CAMTA1: variants seen among roughly 807,000 people sequenced by gnomAD.
CAMTA1 encodes the protein calmodulin-binding transcription activator 1.
In CAMTA1, 27 loss-of-function variants were observed where a neutral mutation model predicts 170.9. The ratio of observed to expected loss-of-function variants is 0.16; its 90% CI spans 0.12 to 0.22. CAMTA1 has a LOEUF of 0.22. Among genes scored for constraint, CAMTA1 ranks in the 10% least tolerant of loss-of-function variants. CAMTA1 has a pLI of 1.00. For missense variants in CAMTA1, 1,619 were observed against 2,217.2 expected, an observed-to-expected ratio of 0.73 and a Z score of 5.42; for synonymous variants, 833 against 891.5, an observed-to-expected ratio of 0.93 and a Z score of 1.17.
chr1:7,275,589 T>C (rs985255930), intron 5 of CAMTA1, among the ~76,000 whole-genome samples: 3 of 152,078 alleles, frequency 2.0e-5, no homozygotes, highest in Non-Finnish European at 2.9e-5. Context: ...ACAGATGCTA[T>C]ACACATTAAA....
chr1:7,679,243 T>A (rs114481760), intron 11 of CAMTA1, among the ~76,000 whole-genome samples: 7 of 152,182 alleles, frequency 4.6e-5, no homozygotes, highest in African/African-American at 1.7e-4. Flanking sequence ...TCTCCAGAGC[T>A]CTGGCTCTCC....
chr1:6,920,416 T>G (rs1439395091), intron 3 of CAMTA1, among the ~76,000 whole-genome samples: 1 of 152,172 alleles, frequency 6.6e-6, no homozygotes, highest in Non-Finnish European at 1.5e-5. Context: ...CCTTGCTACT[T>G]TCACAGGCTG....
chr1:6,871,825 G>C, intron 3 of CAMTA1: 1 of 1,512,802 alleles, frequency 6.6e-7, no homozygotes. Context: ...TTGATCCCCT[G>C]ACCTGCATTA....
At chr1:7,205,361 C>T (rs192168805) in intron 4 of CAMTA1, among the ~76,000 whole-genome samples, 4 of 152,306 alleles carry the variant, frequency 2.6e-5, no homozygotes, top group Middle Eastern at 3.4e-3. Context: ...CCTTGGCCTC[C>T]CAAAGTGTTG....
intron 3 of CAMTA1, among the ~76,000 whole-genome samples, chr1:7,062,677 G>T (rs1339158667): frequency 6.6e-6 from 1 of 152,116 alleles, no homozygotes; most frequent in Non-Finnish European, 1.5e-5. Context: ...GTCTGCCTCA[G>T]CCATGAAGTC....
At chr1:7,340,411 G>A (rs77423929) in intron 5 of CAMTA1, among the ~76,000 whole-genome samples, 1 of 152,110 alleles carries the variant, frequency 6.6e-6, no homozygotes, top group South Asian at 2.1e-4. Flanking sequence ...CCCCAGAGGA[G>A]CAATACGAAG....
intron 3 of CAMTA1, among the ~76,000 whole-genome samples, chr1:6,926,350 C>T (rs1478954640): frequency 1.5e-5 from 2 of 136,114 alleles, no homozygotes; most frequent in Non-Finnish European, 3.1e-5. Flanking sequence ...TTCCTTTCCT[C>T]CCTCCCTCCC....
At chr1:7,175,200 A>G (rs1650536185) in intron 4 of CAMTA1, among the ~76,000 whole-genome samples, 1 of 152,156 alleles carries the variant, frequency 6.6e-6, no homozygotes, top group African/African-American at 2.4e-5. Flanking sequence ...CTCTTGTCCC[A>G]GTGGACACTC....
At chr1:7,745,128 C>A in intron 17 of CAMTA1, 106 bp downstream of exon 17, 1 of 1,099,278 alleles carries the variant, frequency 9.1e-7, no homozygotes, top group Non-Finnish European at 1.3e-6. Flanking sequence ...GAAGACCATA[C>A]CAAGGAAGGA....
In CAMTA1 at chr1:7,216,032, T is replaced by C. The variant is rs1659687693; in HGVS notation, c.303-33459T>C. Among the ~76,000 whole-genome samples the C allele has an allele frequency of 6.6e-6, 1 of 152,198 alleles. No homozygotes were observed. The highest frequency in any genetic ancestry group is 6.5e-5 in the Admixed American group (1 of 15,288). ...TCATTTATAAAGACAAGAAGTTTAA[T>C]TGACTCATGGTTCCACAGGCTTTAC... On this transcript the variant is annotated intron_variant, in intron 4 of 22. Coordinates refer to ENST00000303635, the MANE Select transcript of CAMTA1 (RefSeq NM_015215.4). This position sits in a 1 kb window ranked among gnomAD's most constrained non-coding sequence, Gnocchi z 4.0.
chr1:7,703,466 C>T (rs1446154366), intron 11 of CAMTA1, among the ~76,000 whole-genome samples: 1 of 152,168 alleles, frequency 6.6e-6, no homozygotes, highest in Non-Finnish European at 1.5e-5. Flanking sequence ...GACGATCTAC[C>T]GGCATGGGCA....
chr1:7,669,961 C>T (rs1479937072), intron 9 of CAMTA1, among the ~76,000 whole-genome samples: 4 of 152,232 alleles, frequency 2.6e-5, no homozygotes, highest in Admixed American at 2.6e-4. Context: ...GGACATGAGG[C>T]CACCCTCCTC....
At chr1:7,677,764 G>C (rs2149276929) in intron 11 of CAMTA1, 31 bp downstream of exon 11, 2 of 1,601,008 alleles carry the variant, frequency 1.2e-6, no homozygotes, top group African/African-American at 2.7e-5. Context: ...GTCTTGCCAG[G>C]CACCAAGGGA....
At chr1:7,719,909 G>A (rs2096638086) in intron 11 of CAMTA1, among the ~76,000 whole-genome samples, 1 of 152,262 alleles carries the variant, frequency 6.6e-6, no homozygotes, top group African/African-American at 2.4e-5. Context: ...GCCAAGGGCT[G>A]TAAGTGGAAT....
chr1:7,655,495 A>G (rs2095891458), intron 7 of CAMTA1, among the ~76,000 whole-genome samples: 1 of 142,270 alleles, frequency 7.0e-6, no homozygotes, highest in African/African-American at 2.7e-5. Context: ...ACACCTATAC[A>G]ACACACATAC....
At chr1:7,321,305 C>T (rs984805980) in intron 5 of CAMTA1, among the ~76,000 whole-genome samples, 1 of 152,188 alleles carries the variant, frequency 6.6e-6, no homozygotes, top group South Asian at 2.1e-4. Context: ...TGGCTCCTGA[C>T]TTCTGATGGT....
chr1:6,879,760 C>G (rs907568429), intron 3 of CAMTA1, among the ~76,000 whole-genome samples: 3 of 151,570 alleles, frequency 2.0e-5, no homozygotes, highest in Non-Finnish European at 4.4e-5. Context: ...TCCCGAGTAG[C>G]TGGGACTACC....
chr1:6,902,062 CACACACACACAAAAAA>C (rs1372521707), intron 3 of CAMTA1, among the ~76,000 whole-genome samples: 6 of 100,528 alleles, frequency 6.0e-5, no homozygotes, highest in Admixed American at 1.9e-4. Context: ...CACACACACA[CACACACACACAAAAAA>C]AAAAATAAAA....
chr1:7,564,449 T>C (rs2095008767), intron 6 of CAMTA1, among the ~76,000 whole-genome samples: 1 of 152,256 alleles, frequency 6.6e-6, no homozygotes, highest in African/African-American at 2.4e-5. Flanking sequence ...ACCTTGCTTC[T>C]TCAGAAGCTC....
Sources: gnomAD v4.1 joint callset for allele counts (sites outside exome capture counted in the v4.1 genomes callset) on GRCh38, gnomAD v4.1.1 for gene constraint, Gnocchi (gnomAD v3.1) non-coding constraint, MANE v1.5 for transcripts, NCBI Gene and HGNC (gene_info 2026-07-23, HGNC 2026-07-21) for gene names.